Variants in KRT4 observed in about 807,000 individuals in gnomAD.
KRT4 encodes keratin 4.
KRT4 carries 47 observed loss-of-function variants against 50.6 expected under a neutral mutation model. The observed-to-expected ratio is 0.93, with a 90% confidence interval of 0.73 to 1.18. KRT4 has a LOEUF of 1.18. Ranked by LOEUF, KRT4 falls within the 50% of genes most tolerant of loss-of-function variation. The pLI, the probability that KRT4 is intolerant of heterozygous loss-of-function variation, is 0.00. For missense variants in KRT4, 651 were observed against 645.7 expected (o/e 1.01, Z -0.09); for synonymous variants, 254 against 251.2 (o/e 1.01, Z -0.10).
intron 5 of KRT4, 118 bp from the exon 6 acceptor site, chr12:52,808,537 G>T: frequency 6.5e-7 from 1 of 1,532,630 alleles, no homozygotes; most frequent in Non-Finnish European, 9.0e-7. Flanking sequence ...ATGTCAAGTA[G>T]TTTCAAATCA....
chr12:52,813,608 A>C lies in KRT4; in HGVS notation c.451T>G (p.Phe151Val). 1 of 1,613,902 alleles carries C rather than the reference A, an allele frequency of 6.2e-7. No individual in the cohort carries two copies. The highest frequency in any genetic ancestry group is 1.1e-5 in the South Asian group (1 of 91,070). ...AGGACACAGCTCACCTTGTCGATGA[A>C]GGAGGCAAACTTGTTGTTGAGGAGC... ...IKLLNNKFAS[F>V]IDKVQFLEQQ... The change falls in exon 1 of 9, where the codon TTC (phenylalanine) becomes GTC (valine). Residue 151 changes from phenylalanine to valine, a missense_variant. Phe to Val is a conservative substitution (Grantham distance 50). Coordinates refer to ENST00000551956, the MANE Select transcript of KRT4 (RefSeq NM_002272.4).
chr12:52,809,363 G>T lies in KRT4; in HGVS notation c.834+20C>A. 1 of 1,557,388 alleles carries T rather than the reference G, an allele frequency of 6.4e-7. No homozygotes were observed. The highest frequency in any genetic ancestry group is 2.2e-5 in the East Asian group (1 of 44,578). On this transcript the variant is annotated intron_variant, in intron 4 of 8. Coordinates refer to ENST00000551956, the MANE Select transcript of KRT4 (RefSeq NM_002272.4). ...GGGGGATTCCCTTTCCCTGGATGGAGGGGAGGATGGAGCCCTCACCGCATC... is the reference window on the plus strand; with the variant it reads ...GGGGGATTCCCTTTCCCTGGATGGATGGGAGGATGGAGCCCTCACCGCATC...
chr12:52,807,637 C>A lies in KRT4; in HGVS notation c.1346+7G>T, dbSNP rs756903490. ...CCCTCATGTTCACACCCTGCCTAACCCCTCACCTGTACTCCTCGCCCTCCA... is the reference window on the plus strand; with the variant it reads ...CCCTCATGTTCACACCCTGCCTAACACCTCACCTGTACTCCTCGCCCTCCA... On this transcript the variant is annotated splice_region_variant and intron_variant, in intron 7 of 8. Coordinates refer to ENST00000551956, the MANE Select transcript of KRT4 (RefSeq NM_002272.4). 13 of 1,613,468 alleles carry A rather than the reference C, an allele frequency of 8.1e-6. No homozygotes were observed. Among genetic ancestry groups the A allele is most frequent in the African/African-American group, 1.3e-5 (1 of 75,042 alleles).
chr12:52,808,206 G>A (rs187495009), intron 6 of KRT4, 88 bp downstream of exon 6: 2 of 1,526,902 alleles, frequency 1.3e-6, no homozygotes, highest in Admixed American at 1.7e-5. Flanking sequence ...GGGTCTTCTG[G>A]CCTGATGCTT....
rs751260811 is a variant in KRT4, at chr12:52,807,397, T to C, written c.1347-4A>G. The C allele has an allele frequency of 6.2e-7, 1 of 1,614,148 alleles. No individual in the cohort carries two copies. The highest frequency in any genetic ancestry group is 8.5e-7 in the Non-Finnish European group (1 of 1,180,012). ...ACTCTGGCATTCTCCAGACATTCTG[T>C]AGGGGAAAGAAAAGGCGGTGAGCCT... On this transcript the variant is annotated splice_polypyrimidine_tract_variant and splice_region_variant and intron_variant, in intron 7 of 8. Transcript: ENST00000551956.
At chr12:52,807,935 C>G in intron 6 of KRT4, 71 bp from the exon 7 acceptor site, 1 of 1,346,212 alleles carries the variant, frequency 7.4e-7, no homozygotes, top group Non-Finnish European at 1.0e-6. Context: ...TGTCCCCTCC[C>G]CTGGTCCAGC....
rs747266224 is a variant in KRT4, at chr12:52,807,593, T to G, written c.1346+51A>C. On this transcript the variant is annotated intron_variant, in intron 7 of 8. Coordinates refer to ENST00000551956, the MANE Select transcript of KRT4 (RefSeq NM_002272.4). ...CCCGGCAGAGGCATAAATAAGCTCATGGCCCTGGACCTCTCTGGCCCTCAT... is the reference window on the plus strand; with the variant it reads ...CCCGGCAGAGGCATAAATAAGCTCAGGGCCCTGGACCTCTCTGGCCCTCAT... The G allele has an allele frequency of 1.6e-5, 25 of 1,593,142 alleles. No individual in the cohort carries two copies. The African/African-American group carries it at 2.8e-4, about 18-fold the overall frequency.
intron 3 of KRT4, 81 bp from the exon 4 acceptor site, chr12:52,809,559 G>A (rs981118681): frequency 1.0e-6 from 1 of 962,226 alleles, no homozygotes; most frequent in Non-Finnish European, 1.7e-6. Context: ...ACCGACAGGT[G>A]TTCTCAGCAG....
intron 1 of KRT4, among the ~76,000 whole-genome samples, chr12:52,812,633 CAGACCGATCACAT>C (rs1939932448): frequency 6.6e-6 from 1 of 152,130 alleles, no homozygotes; most frequent in African/African-American, 2.4e-5. Flanking sequence ...GCAGGTAAGG[CAGACCGATCACAT>C]TTTGAACCCA....
intron 1 of KRT4, among the ~76,000 whole-genome samples, chr12:52,812,287 T>G (rs1044072050): frequency 1.3e-5 from 2 of 152,296 alleles, no homozygotes; most frequent in Middle Eastern, 3.4e-3. Flanking sequence ...AACATTAAAC[T>G]TCTATGAAAT....
chr12:52,811,524 G>A, intron 2 of KRT4: 1 of 536,724 alleles, frequency 1.9e-6, no homozygotes, highest in East Asian at 3.4e-5. Flanking sequence ...TTCTGATCTT[G>A]TTCGTATATG....
rs747787622 is a variant in KRT4, at chr12:52,808,597, T to C, written c.999+89A>G. 5 of 1,521,970 alleles carry C rather than the reference T, an allele frequency of 3.3e-6. No homozygotes were observed. The South Asian group carries it at 4.5e-5, about 14-fold the overall frequency. 94.3% of individuals were successfully genotyped at this position (1,521,970 alleles called of 1,614,324 possible). A position where few individuals can be genotyped will look rare whatever the true frequency, so the allele number is the denominator to read the frequency against. ...GAGTCTGTTCATATCTGACTTCTAT[T>C]GGGCTTGAGCTAATGATCACCTGTT... On this transcript the variant is annotated intron_variant, in intron 5 of 8. Coordinates refer to ENST00000551956, the MANE Select transcript of KRT4 (RefSeq NM_002272.4).
At chr12:52,809,312 G>T in intron 4 of KRT4, 71 bp downstream of exon 4, 1 of 1,211,042 alleles carries the variant, frequency 8.3e-7, no homozygotes, top group Non-Finnish European at 1.2e-6. Context: ...AAAAAACTGT[G>T]AATCCCAACC....
At chr12:52,810,923 C>T (rs1377801504) in intron 2 of KRT4, 107 bp from the exon 3 acceptor site, 7 of 879,552 alleles carry the variant, frequency 8.0e-6, no homozygotes, top group Middle Eastern at 2.2e-4. Flanking sequence ...TGGAAATATC[C>T]ACGTAATTAG....
chr12:52,812,980 C>T (rs1304775931), intron 1 of KRT4, among the ~76,000 whole-genome samples: 2 of 152,124 alleles, frequency 1.3e-5, no homozygotes, highest in African/African-American at 4.8e-5. Context: ...TCATGCATGA[C>T]CATAACTGAG....
intron 6 of KRT4, 42 bp from the exon 7 acceptor site, chr12:52,807,906 C>A: frequency 6.5e-7 from 1 of 1,549,756 alleles, no homozygotes; most frequent in Admixed American, 1.7e-5. Context: ...CAGTGCCCTG[C>A]CTTCAAGGCC....
intron 4 of KRT4, 67 bp downstream of exon 4, chr12:52,809,315 TC>T: frequency 8.1e-7 from 1 of 1,241,164 alleles, no homozygotes. Context: ...AAACTGTGAA[TC>T]CCAACCAGCA....
In KRT4 at chr12:52,808,720, C is replaced by T; in HGVS notation, c.965G>A (p.Ser322Asn). 1 of 1,614,180 alleles carries T rather than the reference C, an allele frequency of 6.2e-7. No homozygotes were observed. The highest frequency in any genetic ancestry group is 1.1e-5 in the South Asian group (1 of 91,086). ...RAQYEEIAQR[S>N]KAEAEALYQT... ...GTACAGGGCTTCAGCCTCAGCCTTG[C>T]TCCTCTGGGCAATCTCCTCGTACTG... Residue 322 changes from serine to asparagine, a missense_variant, in exon 5 of 9, where the codon AGC (serine) becomes AAC (asparagine). Ser to Asn is a conservative substitution (Grantham distance 46). Coordinates refer to ENST00000551956, the MANE Select transcript of KRT4 (RefSeq NM_002272.4).
rs762384783 is a variant in KRT4 at position 52,811,930 on chromosome 12, G to C, written c.510C>G (p.Asn170Lys). 6.2e-7 allele frequency: 1 copy of C among 1,613,994 alleles called. No individual in the cohort carries two copies. The highest frequency in any genetic ancestry group is 2.2e-5 in the East Asian group (1 of 44,882). Residue 170 changes from asparagine (N) to lysine (K), a missense_variant, in exon 2 of 9, where the codon AAC (asparagine) becomes AAG (lysine). Coordinates refer to ENST00000551956, the MANE Select transcript of KRT4 (RefSeq NM_002272.4). ...TGGTGGTCGTCTGCTGCTGGAGCAG[G>C]TTCCATTTGGTCTCCAGGACCTTAT... Reference protein sequence around the residue: ...QQNKVLETKWNLLQQQTTTTS... With the variant: ...QQNKVLETKWKLLQQQTTTTS...
Sources: allele counts gnomAD v4.1 joint callset (sites outside exome capture counted in the v4.1 genomes callset), GRCh38; gene constraint gnomAD v4.1.1; transcripts MANE v1.5; gene names NCBI Gene and HGNC (gene_info 2026-07-23, HGNC 2026-07-21).